CACNA1E: variants seen among roughly 807,000 people sequenced by gnomAD.
CACNA1E encodes the protein calcium voltage-gated channel subunit alpha1 E.
CACNA1E carries 40 observed loss-of-function variants against 259.2 expected under a neutral mutation model. The ratio of observed to expected loss-of-function variants is 0.15; its 90% CI spans 0.12 to 0.20. CACNA1E has a LOEUF of 0.20. Ranked by LOEUF, CACNA1E falls within the 10% of genes least tolerant of loss-of-function variation. CACNA1E has a pLI of 1.00. For missense variants in CACNA1E, 1,874 were observed against 3,040.1 expected (o/e 0.62, Z 9.02); for synonymous variants, 1,104 against 1,138.5 (o/e 0.97, Z 0.61).
chr1:181,716,991 C>A, intron 10 of CACNA1E, 102 bp from the exon 11 acceptor site: 2 of 903,024 alleles, frequency 2.2e-6, no homozygotes, highest in South Asian at 1.5e-5. Flanking sequence ...TGGCAGTCAC[C>A]TTGCCCTGGG....
Position 181,395,051 on chromosome 1 carries a change from G to A in CACNA1E, c.-14-18082G>A, listed in dbSNP as rs1015524776. On this transcript the variant is annotated intron_variant, in intron 1 of 11. Transcript: ENST00000524607. ...TTTAAGAGGCTCACGCTGCACATTG[G>A]TTACTGTGTTCAGAATAGACTGTAG... Among the ~76,000 whole-genome samples, 4 of 152,196 alleles carry A rather than the reference G, an allele frequency of 2.6e-5. No homozygotes were observed. In the East Asian group the frequency reaches 7.7e-4, roughly 29 times the overall value.
At chr1:181,687,085 TCA>T (rs1650656143) in intron 7 of CACNA1E, among the ~76,000 whole-genome samples, 1 of 152,048 alleles carries the variant, frequency 6.6e-6, no homozygotes, top group African/African-American at 2.4e-5. Context: ...TCCCCATAAT[TCA>T]CAGATTTCAA....
At chr1:181,441,820 C>G (rs987284911) in intron 2 of CACNA1E, among the ~76,000 whole-genome samples, 4 of 152,116 alleles carry the variant, frequency 2.6e-5, no homozygotes, top group African/African-American at 9.7e-5. Flanking sequence ...CCTGATTCTA[C>G]ATAGCATAGT....
intron 3 of CACNA1E, among the ~76,000 whole-genome samples, chr1:181,535,134 C>T (rs540927288): frequency 8.5e-5 from 13 of 152,098 alleles, no homozygotes; most frequent in African/African-American, 1.2e-4. Flanking sequence ...CTGTTAAAAA[C>T]GTAAAGGTAA....
chr1:181,421,802 G>A (rs1231890380), intron 2 of CACNA1E, among the ~76,000 whole-genome samples: 2 of 152,140 alleles, frequency 1.3e-5, no homozygotes, highest in African/African-American at 2.4e-5. Flanking sequence ...TCTCTTCCAA[G>A]CCACTATCCT....
chr1:181,390,823 A>G (rs1656215160), intron 1 of CACNA1E, among the ~76,000 whole-genome samples: 2 of 152,178 alleles, frequency 1.3e-5, no homozygotes, highest in South Asian at 2.1e-4. Context: ...ACATGTAACT[A>G]TGTAATTATA....
chr1:181,422,174 G>A (rs1658796684), intron 2 of CACNA1E, among the ~76,000 whole-genome samples: 1 of 152,132 alleles, frequency 6.6e-6, no homozygotes, highest in Non-Finnish European at 1.5e-5. Context: ...GTCTAAAATA[G>A]ACACCTGGTC....
Position 181,711,143 on chromosome 1 carries a change from C to T in CACNA1E, c.1171+74C>T, listed in dbSNP as rs145082852. The T allele has an allele frequency of 3.3e-5, 34 of 1,019,798 alleles. No individual in the cohort carries two copies. The South Asian group carries it at 4.2e-4, about 13-fold the overall frequency. 63.2% of individuals were successfully genotyped at this position (1,019,798 alleles called of 1,614,324 possible). A position where few individuals can be genotyped will look rare whatever the true frequency, so the allele number is the denominator to read the frequency against. On this transcript the variant is annotated intron_variant, in intron 8 of 47. Coordinates refer to ENST00000367573, the MANE Select transcript of CACNA1E (RefSeq NM_001205293.3). ...CAGGGCCGGCCCCTCACTCCCAATG[C>T]TCCCATTCAAGGGGCAGCCTAGACA...
intron 2 of CACNA1E, among the ~76,000 whole-genome samples, chr1:181,446,376 G>T (rs1418372354): frequency 1.3e-5 from 2 of 152,364 alleles, no homozygotes; most frequent in East Asian, 3.9e-4. Context: ...TCAGCATACA[G>T]TCGGCCTAAT....
chr1:181,651,914 C>T (rs1658794318), intron 7 of CACNA1E: 1 of 153,566 alleles, frequency 6.5e-6, no homozygotes, highest in South Asian at 2.0e-4. Context: ...GTAAGCATCG[C>T]CAGGAGCACA....
At chr1:181,689,279 G>C (rs147395279) in intron 7 of CACNA1E, among the ~76,000 whole-genome samples, 15,832 of 152,158 alleles carry the variant, frequency 0.1, 970 homozygotes, top group Admixed American at 0.16. Flanking sequence ...ATGGTTTCCA[G>C]CTTCATCCAT....
intron 1 of CACNA1E, among the ~76,000 whole-genome samples, chr1:181,349,368 G>A (rs552495133): frequency 2.0e-5 from 3 of 152,212 alleles, no homozygotes; most frequent in Admixed American, 6.5e-5. Flanking sequence ...AGGAAGCCTC[G>A]GGGAGCCCCA....
intron 34 of CACNA1E, 118 bp downstream of exon 34, chr1:181,763,649 G>C (rs1002017622): frequency 1.5e-4 from 100 of 674,910 alleles, no homozygotes; most frequent in Non-Finnish European, 2.0e-4. Flanking sequence ...AGTAGAACGG[G>C]TGTTTGTTAG....
intron 6 of CACNA1E, among the ~76,000 whole-genome samples, chr1:181,639,272 T>A (rs1657530288): frequency 6.6e-6 from 1 of 152,050 alleles, no homozygotes; most frequent in African/African-American, 2.4e-5. Context: ...GTATTTTCAG[T>A]AGAGATGGGG....
At chr1:181,760,418 T>G (rs1029972345) in intron 32 of CACNA1E, among the ~76,000 whole-genome samples, 4 of 152,244 alleles carry the variant, frequency 2.6e-5, no homozygotes, top group African/African-American at 9.6e-5. Context: ...GAAATAGGCA[T>G]GGCAGATGTC....
rs182225778 is a variant in CACNA1E, at chr1:181,758,808, C to T, written c.4545C>T (p.Ile1515=). Residue 1515 remains isoleucine (I), a synonymous_variant, in exon 32 of 48, where the codon ATC becomes ATT. Transcript: ENST00000367573. This position sits in a 1 kb window ranked among gnomAD's most constrained non-coding sequence, Gnocchi z 4.2. ...TYELALKYLN[I]AFTMVFSLEC... ...AGCTGGCCCTGAAGTACCTGAATAT[C>T]GCCTTCACCATGGTGTTTTCCCTGG... The T allele has an allele frequency of 1.4e-4, 231 of 1,612,980 alleles. 1 individual carries two copies. In the African/African-American group the frequency reaches 2.4e-3, roughly 17 times the overall value.
intron 1 of CACNA1E, among the ~76,000 whole-genome samples, chr1:181,367,698 A>C (rs913290711): frequency 2.0e-5 from 3 of 151,184 alleles, no homozygotes; most frequent in African/African-American, 7.2e-5. Context: ...AATAGCAGAG[A>C]GTAACTAGTT....
intron 3 of CACNA1E, among the ~76,000 whole-genome samples, chr1:181,541,125 T>G (rs1264105015): frequency 6.6e-6 from 1 of 152,190 alleles, no homozygotes; most frequent in East Asian, 1.9e-4. Context: ...CTTTTGTTAA[T>G]TTGTCTTTTG....
chr1:181,365,767 T>C (rs1654226446), intron 1 of CACNA1E, among the ~76,000 whole-genome samples: 1 of 152,216 alleles, frequency 6.6e-6, no homozygotes, highest in South Asian at 2.1e-4. Context: ...GGACCTGCTC[T>C]GGTGTCCTGA....
Sources: allele counts gnomAD v4.1 joint callset (sites outside exome capture counted in the v4.1 genomes callset), GRCh38; gene constraint gnomAD v4.1.1; non-coding constraint Gnocchi (gnomAD v3.1); transcripts MANE v1.5; gene names NCBI Gene and HGNC (gene_info 2026-07-23, HGNC 2026-07-21).